Variants in FHIT observed in about 807,000 individuals in gnomAD.
FHIT encodes the protein fragile histidine triad diadenosine triphosphatase, also known as bis(5'-adenosyl)-triphosphatase.
A neutral mutation model predicts 17.9 loss-of-function variants in FHIT; 19 were observed. That is an observed-to-expected ratio of 1.06 (90% CI 0.74 to 1.56). The LOEUF is 1.56. Ranked by LOEUF, FHIT falls within the 40% of genes most tolerant of loss-of-function variation. The pLI, the probability that FHIT is intolerant of heterozygous loss-of-function variation, is 0.00. For synonymous variants in FHIT, 81 were observed against 69.7 expected, an observed-to-expected ratio of 1.16 and a Z score of -0.81; for missense variants, 248 against 189.2, an observed-to-expected ratio of 1.31 and a Z score of -1.82.
chr3:60,571,369 A>AAAAAAAAC (rs1559549076), intron 4 of FHIT, among the ~76,000 whole-genome samples: 5 of 119,826 alleles, frequency 4.2e-5, no homozygotes, highest in Non-Finnish European at 5.1e-5. Context: ...AAAAAGAACA[A>AAAAAAAAC]TGAATGACGT....
intron 5 of FHIT, among the ~76,000 whole-genome samples, chr3:60,177,656 A>G (rs1240207882): frequency 6.6e-6 from 1 of 152,164 alleles, no homozygotes; most frequent in African/African-American, 2.4e-5. Flanking sequence ...TGATTTTTGA[A>G]TCACCTCCTA....
chr3:60,377,404 G>A (rs554934000), intron 5 of FHIT, among the ~76,000 whole-genome samples: 41 of 146,548 alleles, frequency 2.8e-4, no homozygotes, highest in African/African-American at 9.1e-4. Context: ...TGATCCTCCC[G>A]CCTCAGCCTC....
chr3:60,009,165 ATGTGTGTGTGTGTGTGTGTGTGTG>A (rs753809976), intron 7 of FHIT, among the ~76,000 whole-genome samples: 77 of 54,134 alleles, frequency 1.4e-3, no homozygotes, highest in Admixed American at 4.1e-3. Context: ...CTGGGATTTT[ATGTGTGTGTGTGTGTGTGTGTGTG>A]TGTGTGTGTG....
chr3:60,208,248 A>G (rs1367964996), intron 5 of FHIT, among the ~76,000 whole-genome samples: 2 of 152,186 alleles, frequency 1.3e-5, no homozygotes, highest in Non-Finnish European at 2.9e-5. Flanking sequence ...CTTTAACCTT[A>G]TGAAACATTT....
intron 4 of FHIT, among the ~76,000 whole-genome samples, chr3:60,745,070 A>G (rs879949347): frequency 2.4e-4 from 37 of 152,160 alleles, no homozygotes; most frequent in Admixed American, 2.4e-3. Context: ...CAATATAGGA[A>G]GACCCCATTC....
intron 5 of FHIT, among the ~76,000 whole-genome samples, chr3:60,354,494 AAC>A (rs960324630): frequency 1.3e-5 from 2 of 152,138 alleles, no homozygotes; most frequent in African/African-American, 4.8e-5. Flanking sequence ...AGTCTGAAGA[AAC>A]AGATACAGAG....
At chr3:60,978,851 A>C (rs562581712) in intron 3 of FHIT, among the ~76,000 whole-genome samples, 1 of 152,182 alleles carries the variant, frequency 6.6e-6, no homozygotes, top group African/African-American at 2.4e-5. Context: ...TCTTAATACC[A>C]TGACTTTGGC....
intron 5 of FHIT, among the ~76,000 whole-genome samples, chr3:60,495,594 G>A (rs999839323): frequency 6.6e-6 from 1 of 151,788 alleles, no homozygotes; most frequent in Non-Finnish European, 1.5e-5. Flanking sequence ...CTAACAGGGG[G>A]AAACCTACAT....
Position 61,214,767 on chromosome 3 carries a change from T to C in FHIT, c.-212-14102A>G, listed in dbSNP as rs562652642. On this transcript the variant is annotated intron_variant, in intron 1 of 9. Coordinates refer to ENST00000492590, the MANE Select transcript of FHIT (RefSeq NM_002012.4). ...GATGCAAATATCCTCAATAAAATAC[T>C]GGCAAACCGAATCCAGCAGCACATC... is the stretch of plus-strand genomic sequence containing the variant. Among the ~76,000 whole-genome samples, 6 of 152,364 alleles carry C rather than the reference T, an allele frequency of 3.9e-5. No individual in the cohort carries two copies. In the East Asian group the frequency reaches 9.6e-4, roughly 25 times the overall value.
At chr3:61,101,142 A>G (rs56027740) in intron 2 of FHIT, among the ~76,000 whole-genome samples, 52,739 of 152,122 alleles carry the variant, frequency 0.35, 11,558 homozygotes, top group Non-Finnish European at 0.49. Context: ...GCCCATGCCT[A>G]TGACCTGAAT....
At chr3:60,183,900 C>G (rs1702051368) in intron 5 of FHIT, among the ~76,000 whole-genome samples, 1 of 152,082 alleles carries the variant, frequency 6.6e-6, no homozygotes. Flanking sequence ...TATGCCACAC[C>G]TAGTTTCCAC....
chr3:61,126,976 A>G (rs2036625712), intron 2 of FHIT, among the ~76,000 whole-genome samples: 1 of 152,208 alleles, frequency 6.6e-6, no homozygotes. Flanking sequence ...TGGAATGACC[A>G]AGAAAAAAGC....
chr3:60,006,845 T>C (rs74882087), intron 7 of FHIT, among the ~76,000 whole-genome samples: 3,953 of 152,192 alleles, frequency 0.026, 85 homozygotes, highest in East Asian at 0.099. Context: ...AATTTTCAGG[T>C]GGAAAATTTG....
chr3:60,142,283 G>T (rs1340314799), intron 5 of FHIT, among the ~76,000 whole-genome samples: 3 of 152,154 alleles, frequency 2.0e-5, no homozygotes, highest in Non-Finnish European at 4.4e-5. Flanking sequence ...TCATAAGGTT[G>T]CTGTGGGAAC....
chr3:60,984,109 G>C (rs9836650), intron 3 of FHIT, among the ~76,000 whole-genome samples: 1 of 152,146 alleles, frequency 6.6e-6, no homozygotes, highest in African/African-American at 2.4e-5. Flanking sequence ...TGCAGGAAAA[G>C]AGAATGCCAT....
chr3:60,298,282 G>A (rs904042858), intron 5 of FHIT, among the ~76,000 whole-genome samples: 3 of 152,044 alleles, frequency 2.0e-5, no homozygotes, highest in African/African-American at 7.2e-5. Flanking sequence ...CAGGAGATAA[G>A]GCTCAAAGTT....
chr3:60,320,945 A>C (rs1709398092), intron 5 of FHIT, among the ~76,000 whole-genome samples: 1 of 152,226 alleles, frequency 6.6e-6, no homozygotes, highest in East Asian at 1.9e-4. Flanking sequence ...AAACATGTTC[A>C]ATTGTACACT....
At chr3:60,448,717 T>C (rs1333457952) in intron 5 of FHIT, among the ~76,000 whole-genome samples, 3 of 152,222 alleles carry the variant, frequency 2.0e-5, no homozygotes, top group Non-Finnish European at 2.9e-5. Flanking sequence ...CTACGGATTA[T>C]GGACACGTGC....
chr3:60,051,943 A>C (rs1366129666), intron 5 of FHIT, among the ~76,000 whole-genome samples: 1 of 152,220 alleles, frequency 6.6e-6, no homozygotes, highest in Non-Finnish European at 1.5e-5. Flanking sequence ...GGAACAGGGC[A>C]AGAATATCTC....
Sources: gnomAD v4.1 joint callset for allele counts (sites outside exome capture counted in the v4.1 genomes callset) on GRCh38, gnomAD v4.1.1 for gene constraint, MANE v1.5 for transcripts, NCBI Gene and HGNC (gene_info 2026-07-23, HGNC 2026-07-21) for gene names.